ZNF862: variants seen among roughly 807,000 people sequenced by gnomAD.
ZNF862 encodes zinc finger protein 862.
Under a neutral mutation model 91.1 loss-of-function variants are expected in ZNF862, and 64 were observed. The ratio of observed to expected loss-of-function variants is 0.70; its 90% confidence interval spans 0.57 to 0.87. The LOEUF is 0.87. Ranked by LOEUF, ZNF862 falls within the 40% of genes least tolerant of loss-of-function variation. The probability of loss-of-function intolerance (pLI) is 0.00; values close to 1 mark genes in which losing one functional copy is unlikely to be tolerated. For synonymous variants in ZNF862, 631 were observed against 618.1 expected, an observed-to-expected ratio of 1.02 and a Z score of -0.31; for missense variants, 1,459 against 1,528.0, an observed-to-expected ratio of 0.95 and a Z score of 0.75.
At position 149,850,817 on chromosome 7, in the gene ZNF862, CAGA is replaced by C. The variant is rs1361972591; in HGVS notation, c.1117+482_1117+484del. The C allele has an allele frequency of 6.3e-6, 1 of 157,646 alleles. No homozygotes were observed. Among genetic ancestry groups the C allele is most frequent in the Non-Finnish European group, 1.4e-5 (1 of 71,028 alleles). The allele number at this position is 157,646 out of a possible 1,614,324, so 9.8% of individuals were successfully genotyped here. ...TAATTGAGTTCAAAACCAGGTGGAT[CAGA>C]AGGAGGAAGGGCATTGAGCCATGAT... On this transcript the variant is annotated intron_variant, in intron 5 of 7. Coordinates refer to ENST00000223210, the MANE Select transcript of ZNF862 (RefSeq NM_001099220.3). This position sits in a 1 kb window ranked among gnomAD's most constrained non-coding sequence, Gnocchi z 4.2.
At chr7:149,848,996 T>C (rs1684640871) in intron 4 of ZNF862, among the ~76,000 whole-genome samples, 1 of 152,152 alleles carries the variant, frequency 6.6e-6, no homozygotes, top group African/African-American at 2.4e-5. Context: ...GATGGGAATC[T>C]CACTATATTG....
Position 149,861,666 on chromosome 7 carries a change from C to T in ZNF862, c.2506C>T (p.His836Tyr), listed in dbSNP as rs765369784. 2.5e-6 allele frequency: 4 copies of T among 1,610,786 alleles called. No individual in the cohort carries two copies. Among genetic ancestry groups the T allele is most frequent in the Non-Finnish European group, 3.4e-6 (4 of 1,178,926 alleles). Residue 836 changes from histidine (H) to tyrosine (Y), a missense_variant, in exon 7 of 8, where the codon CAC becomes TAC. His to Tyr is a moderately conservative substitution (Grantham distance 83). Transcript: ENST00000223210. The surrounding 1 kb of genome is among the most constrained non-coding windows in gnomAD (Gnocchi z 6.7). ...GATGCTGAAGCTCATGCGCGGCTTCCACTTTGTCAAGTTCTGCCACTTCCT... is the reference window on the plus strand; with the variant it reads ...GATGCTGAAGCTCATGCGCGGCTTCTACTTTGTCAAGTTCTGCCACTTCCT... ...KGMLKLMRGF[H>Y]FVKFCHFLLD...
In ZNF862 at chr7:149,840,427, G is replaced by T. The variant is rs982870882; in HGVS notation, c.24+1792G>T. 2.6e-5 allele frequency among the ~76,000 whole-genome samples: 4 copies of T among 152,058 alleles called. No homozygotes were observed. In the East Asian group the frequency reaches 7.7e-4, roughly 29 times the overall value. ...AGTAAAACAGTTACAATAAGCTAGG[G>T]TTAATTTATTATTGAAGAAAGAAAA... On this transcript the variant is annotated intron_variant, in intron 1 of 7. Transcript: ENST00000223210.
rs760957499 is a variant in ZNF862, at chr7:149,861,073, C to A, written c.1913C>A (p.Ala638Asp). ...AGCTCCACCGACGCCTCCGAGCAGG[C>A]CTGCGTGGGGATTTACATCCGCTAC... ...LDSSTDASEQACVGIYIRYFK... is the reference protein window; with the variant it reads ...LDSSTDASEQDCVGIYIRYFK... The change falls in exon 7 of 8, where the codon GCC becomes GAC. Residue 638 changes from alanine (A) to aspartate (D), a missense_variant. By Grantham distance (126) the Ala-to-Asp change is moderately radical (BLOSUM62 -2). Transcript: ENST00000223210. This position sits in a 1 kb window ranked among gnomAD's most constrained non-coding sequence, Gnocchi z 6.7. 5.6e-6 allele frequency: 9 copies of A among 1,612,626 alleles called. No homozygotes were observed. The highest frequency in any genetic ancestry group is 4.5e-5 in the East Asian group (2 of 44,866).
Position 149,860,527 on chromosome 7 carries a change from T to C in ZNF862, c.1367T>C (p.Ile456Thr). The change falls in exon 7 of 8, where the codon ATC (isoleucine) becomes ACC (threonine). Residue 456 changes from isoleucine (I) to threonine (T), a missense_variant. Transcript: ENST00000223210. Reference sequence around the variant, plus strand: ...GAGGAAGGAGATGGACCTAGGAGAATCAAGAGGACATACAGGCCCCGTTCC... The same window carrying C: ...GAGGAAGGAGATGGACCTAGGAGAACCAAGAGGACATACAGGCCCCGTTCC... ...ICEEGDGPRR[I>T]KRTYRPRSIQ... 6.2e-7 allele frequency: 1 copy of C among 1,613,898 alleles called. No homozygotes were observed. The highest frequency in any genetic ancestry group is 8.5e-7 in the Non-Finnish European group (1 of 1,179,874).
At position 149,850,082 on chromosome 7, in the gene ZNF862, G is replaced by A. The variant is rs1802008707; in HGVS notation, c.940-79G>A. On this transcript the variant is annotated intron_variant, in intron 4 of 7. Transcript: ENST00000223210. The surrounding 1 kb of genome is among the most constrained non-coding windows in gnomAD (Gnocchi z 4.2). Reference sequence around the variant, plus strand: ...TGGTGAGCTTCCCAGGAGAAATAGGGCTTCCAAAGGCCCCAGAAGTGTCAC... The same window carrying A: ...TGGTGAGCTTCCCAGGAGAAATAGGACTTCCAAAGGCCCCAGAAGTGTCAC... 3 of 1,468,284 alleles carry A rather than the reference G, an allele frequency of 2.0e-6. No homozygotes were observed. In the African/African-American group the frequency reaches 4.2e-5, roughly 21 times the overall value. 91.0% of individuals were successfully genotyped at this position (1,468,284 alleles called of 1,614,324 possible). A position where few individuals can be genotyped will look rare whatever the true frequency, so the allele number is the denominator to read the frequency against.
At position 149,861,258 on chromosome 7, in the gene ZNF862, G is replaced by A. The variant is rs1293468169; in HGVS notation, c.2098G>A (p.Ala700Thr). 21 of 1,612,000 alleles carry A rather than the reference G, an allele frequency of 1.3e-5. No individual in the cohort carries two copies. The highest frequency in any genetic ancestry group is 1.7e-5 in the Admixed American group (1 of 59,842). ...GGTGGGGCTGGGGACGGATGGCTCA[G>A]CCATGTTGAGCTGCAGAGGAGGCCT... ...WVVGLGTDGS[A>T]MLSCRGGLVE... The change falls in exon 7 of 8, where the codon GCC becomes ACC. Residue 700 changes from alanine to threonine, a missense_variant. Physicochemically the swap from Ala to Thr is moderately conservative, Grantham distance 58. Transcript: ENST00000223210. This position sits in a 1 kb window ranked among gnomAD's most constrained non-coding sequence, Gnocchi z 6.7.
chr7:149,838,573 C>T lies in ZNF862; in HGVS notation c.-39C>T, dbSNP rs113918762. On this transcript the variant is annotated 5_prime_UTR_variant, in exon 1 of 8. Transcript: ENST00000223210. Reference sequence around the variant, plus strand: ...GCGGCTGCATCCTCAGGCCAGGCCGCGGGGGGAGGGGGCGGCACGGGCCTC... The same window carrying T: ...GCGGCTGCATCCTCAGGCCAGGCCGTGGGGGGAGGGGGCGGCACGGGCCTC... 1 of 1,209,314 alleles carries T rather than the reference C, an allele frequency of 8.3e-7. No individual in the cohort carries two copies. The highest frequency in any genetic ancestry group is 1.0e-6 in the Non-Finnish European group (1 of 966,934). 74.9% of individuals were successfully genotyped at this position (1,209,314 alleles called of 1,614,324 possible).
In ZNF862 at chr7:149,859,525, A is replaced by G; in HGVS notation, c.1221A>G (p.Pro407=). The change falls in exon 6 of 8, where the codon CCA becomes CCG. Residue 407 remains proline, a splice_region_variant and synonymous_variant. Coordinates refer to ENST00000223210, the MANE Select transcript of ZNF862 (RefSeq NM_001099220.3). ...CAAAGTGGGGGAAAGGTCGTCCTCC[A>G]GGTGAGTGTAAACCTACAGCATTCT... The part of the protein sequence containing the change: ...NGPKWGKGRP[P]GNKKMVAVRE... 1 of 1,565,708 alleles carries G rather than the reference A, an allele frequency of 6.4e-7. No homozygotes were observed. The highest frequency in any genetic ancestry group is 1.2e-5 in the South Asian group (1 of 84,700).
rs1017286153 is a variant in ZNF862 at position 149,850,320 on chromosome 7, G to A, written c.1099G>A (p.Glu367Lys). Residue 367 changes from glutamate to lysine, a missense_variant, in exon 5 of 8, where the codon GAG becomes AAG. Coordinates refer to ENST00000223210, the MANE Select transcript of ZNF862 (RefSeq NM_001099220.3). This position sits in a 1 kb window ranked among gnomAD's most constrained non-coding sequence, Gnocchi z 4.2. The stretch of plus-strand genomic sequence containing the variant: ...CAGAGACGTGATGCGGATGAACTAC[G>A]AGCTGTTGGCATCCTTGGGTAAAGA... ...LYRDVMRMNY[E>K]LLASLGPAAA... The A allele has an allele frequency of 1.9e-6, 3 of 1,612,336 alleles. No homozygotes were observed. The highest frequency in any genetic ancestry group is 1.3e-5 in the African/African-American group (1 of 75,006).
chr7:149,839,827 C>A (rs1801637645), intron 1 of ZNF862, among the ~76,000 whole-genome samples: 1 of 152,124 alleles, frequency 6.6e-6, no homozygotes, highest in South Asian at 2.1e-4. Context: ...GGCCCTTACC[C>A]TTTGGAAATA....
At position 149,848,185 on chromosome 7, in the gene ZNF862, C is replaced by T. The variant is rs765673866; in HGVS notation, c.692C>T (p.Pro231Leu). Residue 231 changes from proline to leucine, a missense_variant, in exon 4 of 8, where the codon CCG becomes CTG. Transcript: ENST00000223210. The stretch of plus-strand genomic sequence containing the variant: ...CCACCTGGAGATGTTCTGGCCAGCC[C>T]GGAGCCGCTCTTCACTGCAGATTGC... ...RDPPGDVLASPEPLFTADCPI... is the reference protein window; with the variant it reads ...RDPPGDVLASLEPLFTADCPI... 7 of 1,613,898 alleles carry T rather than the reference C, an allele frequency of 4.3e-6. No homozygotes were observed. Among genetic ancestry groups the T allele is most frequent in the East Asian group, 2.2e-5 (1 of 44,886 alleles).
At chr7:149,840,070 G>T (rs1468970022) in intron 1 of ZNF862, among the ~76,000 whole-genome samples, 1 of 151,804 alleles carries the variant, frequency 6.6e-6, no homozygotes, top group Non-Finnish European at 1.5e-5. Flanking sequence ...AATCCCCTGA[G>T]ACTACAGTGG....
Position 149,861,192 on chromosome 7 carries a change from C to T in ZNF862, c.2032C>T (p.Leu678=). ...GTACTTCGAGACCATCGTTTCTGCC[C>T]TGGATGAGCTGGACATCCCCTTCCG... ...DGYFETIVSA[L]DELDIPFRKP... is the part of the protein sequence containing the mutation. The change falls in exon 7 of 8, where the codon CTG becomes TTG. Residue 678 remains leucine, a synonymous_variant. Coordinates refer to ENST00000223210, the MANE Select transcript of ZNF862 (RefSeq NM_001099220.3). The surrounding 1 kb of genome is among the most constrained non-coding windows in gnomAD (Gnocchi z 6.7). The T allele has an allele frequency of 1.2e-6, 2 of 1,612,644 alleles. No homozygotes were observed. The highest frequency in any genetic ancestry group is 1.7e-6 in the Non-Finnish European group (2 of 1,179,674).
Position 149,861,543 on chromosome 7 carries a change from C to A in ZNF862, c.2383C>A (p.Arg795Ser). The A allele has an allele frequency of 1.9e-6, 3 of 1,602,074 alleles. No individual in the cohort carries two copies. Among genetic ancestry groups the A allele is most frequent in the Non-Finnish European group, 2.6e-6 (3 of 1,175,592 alleles). ...GGTCCGCTGGGTGGCCAGCAGGAGG[C>A]GCACGCTGCACGCGCTGCTCGTGAG... ...NAVRWVASRR[R>S]TLHALLVSWP... The change falls in exon 7 of 8, where the codon CGC becomes AGC. Residue 795 changes from arginine (R) to serine (S), a missense_variant. By Grantham distance (110) the Arg-to-Ser change is moderately radical (BLOSUM62 -1). Coordinates refer to ENST00000223210, the MANE Select transcript of ZNF862 (RefSeq NM_001099220.3). This position sits in a 1 kb window ranked among gnomAD's most constrained non-coding sequence, Gnocchi z 6.7.
In ZNF862 at chr7:149,865,617, T is replaced by C. The variant is rs1802688222; in HGVS notation, c.*1333T>C. On this transcript the variant is annotated 3_prime_UTR_variant, in exon 8 of 8. Coordinates refer to ENST00000223210, the MANE Select transcript of ZNF862 (RefSeq NM_001099220.3). ...CTTGGCAGGCTCAGGAGGCCGCTTA[T>C]CAGGAGGAGGATGATTTTGTCTAGG... The C allele has an allele frequency of 6.6e-6, 1 of 152,204 alleles. No individual in the cohort carries two copies. The highest frequency in any genetic ancestry group is 1.5e-5 in the Non-Finnish European group (1 of 68,068). 9.4% of individuals were successfully genotyped at this position (152,204 alleles called of 1,614,324 possible). A position where few individuals can be genotyped will look rare whatever the true frequency, so the allele number is the denominator to read the frequency against.
rs749044450 is a variant in ZNF862, at chr7:149,850,372, T to TC, written c.1117+36dup. On this transcript the variant is annotated intron_variant, in intron 5 of 7. Transcript: ENST00000223210. This position sits in a 1 kb window ranked among gnomAD's most constrained non-coding sequence, Gnocchi z 4.2. ...GCACCGAGCCTCTTATTCACCACCC[T>TC]CCTTTGACTTGGGAAGCCCACAAGG... 6 of 1,581,040 alleles carry TC rather than the reference T, an allele frequency of 3.8e-6. No homozygotes were observed. The South Asian group carries it at 7.0e-5, about 18-fold the overall frequency.
In ZNF862 at chr7:149,862,233, C is replaced by T; in HGVS notation, c.3073C>T (p.Leu1025Phe). 6.2e-7 allele frequency: 1 copy of T among 1,613,802 alleles called. No individual in the cohort carries two copies. ...CTGCCGCTTCCCCCTGCTAAGCAAG[C>T]TCATGGCCGTGGTGGTCTGTGTGCC... ...QHCRFPLLSK[L>F]MAVVVCVPIS... Residue 1025 changes from leucine (L) to phenylalanine (F), a missense_variant, in exon 7 of 8, where the codon CTC (leucine) becomes TTC (phenylalanine). Leu to Phe is a conservative substitution (Grantham distance 22, BLOSUM62 0). Coordinates refer to ENST00000223210, the MANE Select transcript of ZNF862 (RefSeq NM_001099220.3).
At chr7:149,852,125 AG>A (rs939642127) in intron 5 of ZNF862, 7 of 152,182 alleles carry the variant, frequency 4.6e-5, no homozygotes, top group Admixed American at 6.5e-5. Context: ...TATGTTTAAA[AG>A]TGGTATATAA....
Sources: gnomAD v4.1 joint callset for allele counts (sites outside exome capture counted in the v4.1 genomes callset) on GRCh38, gnomAD v4.1.1 for gene constraint, Gnocchi (gnomAD v3.1) non-coding constraint, MANE v1.5 for transcripts, NCBI Gene and HGNC (gene_info 2026-07-23, HGNC 2026-07-21) for gene names.